HPSE2: variants seen among roughly 807,000 people sequenced by gnomAD.
HPSE2 encodes the protein heparanase 2 (inactive), also known as inactive heparanase-2.
HPSE2 carries 38 observed loss-of-function variants against 60.5 expected under a neutral mutation model. That is an observed-to-expected ratio of 0.63 (90% CI 0.48 to 0.82). The LOEUF (loss-of-function observed/expected upper bound fraction) is 0.82. Among genes scored for constraint, HPSE2 ranks in the 40% least tolerant of loss-of-function variants. The pLI, the probability that HPSE2 is intolerant of heterozygous loss-of-function variation, is 0.00. For missense variants in HPSE2, 713 were observed against 740.4 expected (o/e 0.96, Z 0.43); for synonymous variants, 295 against 293.2 (o/e 1.01, Z -0.06).
At chr10:98,609,880 C>T (rs1253188014) in intron 9 of HPSE2, among the ~76,000 whole-genome samples, 11 of 137,044 alleles carry the variant, frequency 8.0e-5, no homozygotes, top group African/African-American at 2.5e-4. Context: ...CTCACTCTGT[C>T]GCCCAGGCTG....
intron 6 of HPSE2, among the ~76,000 whole-genome samples, chr10:98,688,644 T>C (rs2134157089): frequency 6.6e-6 from 1 of 151,612 alleles, no homozygotes; most frequent in South Asian, 2.1e-4. Flanking sequence ...CCGGCTGATA[T>C]TTGGATTTTT....
chr10:98,543,690 T>C (rs1943555036), intron 9 of HPSE2, among the ~76,000 whole-genome samples: 1 of 151,896 alleles, frequency 6.6e-6, no homozygotes, highest in Non-Finnish European at 1.5e-5. Flanking sequence ...TAGTCTCTGA[T>C]AAAACAGACT....
intron 3 of HPSE2, among the ~76,000 whole-genome samples, chr10:99,124,843 C>T (rs1303301687): frequency 1.3e-5 from 2 of 152,230 alleles, no homozygotes; most frequent in Non-Finnish European, 2.9e-5. Flanking sequence ...ACTGTGCCAA[C>T]TCAAAATGGA....
intron 3 of HPSE2, among the ~76,000 whole-genome samples, chr10:98,959,358 GAAAAAAA>G (rs540992148): frequency 1.3e-5 from 1 of 77,452 alleles, no homozygotes; most frequent in African/African-American, 3.9e-5. Context: ...ACTATCTCTG[GAAAAAAA>G]AAAAAAAAAA....
intron 6 of HPSE2, among the ~76,000 whole-genome samples, chr10:98,677,585 C>A (rs191420350): frequency 6.6e-6 from 1 of 152,232 alleles, no homozygotes; most frequent in East Asian, 1.9e-4. Flanking sequence ...GACATTAACC[C>A]CACTTAACAG....
intron 3 of HPSE2, among the ~76,000 whole-genome samples, chr10:98,861,330 T>A (rs1952454151): frequency 6.6e-6 from 1 of 152,188 alleles, no homozygotes; most frequent in Admixed American, 6.5e-5. Context: ...GTCTTTCTTA[T>A]TTGCTGATAT....
intron 9 of HPSE2, among the ~76,000 whole-genome samples, chr10:98,550,765 C>T (rs540081781): frequency 4.6e-5 from 7 of 151,848 alleles, no homozygotes; most frequent in African/African-American, 7.3e-5. Context: ...TGAGCCACCG[C>T]GCCTGGCCTC....
rs1023715187 is a variant in HPSE2 at position 98,721,807 on chromosome 10, A to G, written c.806T>C (p.Met269Thr). 2.5e-6 allele frequency: 4 copies of G among 1,613,680 alleles called. No individual in the cohort carries two copies. The Admixed American group carries it at 5.0e-5, about 20-fold the overall frequency. Residue 269 changes from methionine (M) to threonine (T), a missense_variant, in exon 5 of 12, where the codon ATG becomes ACG. Coordinates refer to ENST00000370552, the MANE Select transcript of HPSE2 (RefSeq NM_021828.5). ...LGNEPNNYRT[M>T]HGRAVNGSQL... ...GCTGCCATTTACTGCCCGGCCATGCATGGTCCGATAGTTATTTGGCTCTAG... is the reference window on the plus strand; with the variant it reads ...GCTGCCATTTACTGCCCGGCCATGCGTGGTCCGATAGTTATTTGGCTCTAG...
intron 9 of HPSE2, among the ~76,000 whole-genome samples, chr10:98,545,751 G>T (rs1401484491): frequency 1.3e-5 from 2 of 151,672 alleles, no homozygotes; most frequent in African/African-American, 4.8e-5. Context: ...ACAAGACAGG[G>T]ATGCCCTCTC....
rs561464710 is a variant in HPSE2 at position 99,203,017 on chromosome 10, C to T, written c.448+29331G>A. Among the ~76,000 whole-genome samples the T allele has an allele frequency of 4.6e-5, 7 of 152,254 alleles. No homozygotes were observed. In the South Asian group the frequency reaches 1.2e-3, roughly 27 times the overall value. Reference sequence around the variant, plus strand: ...AGTAAAGTCCAGTGCTGGACAGGCCCCCATGGCCCCAGAACGAGCCTCCAA... The same window carrying T: ...AGTAAAGTCCAGTGCTGGACAGGCCTCCATGGCCCCAGAACGAGCCTCCAA... On this transcript the variant is annotated intron_variant, in intron 2 of 11. Transcript: ENST00000370552.
At chr10:98,649,406 A>G (rs114481108) in intron 6 of HPSE2, among the ~76,000 whole-genome samples, 2,238 of 152,312 alleles carry the variant, frequency 0.015, 54 homozygotes, top group African/African-American at 0.05. Context: ...ACACGGTATT[A>G]GTAAGTAGGA....
chr10:98,920,219 T>G (rs185788803), intron 3 of HPSE2, among the ~76,000 whole-genome samples: 10 of 152,306 alleles, frequency 6.6e-5, no homozygotes, highest in Admixed American at 6.5e-5. Flanking sequence ...GCTTAAAGAC[T>G]TCTGTTCCCA....
chr10:99,073,471 G>T (rs1168060501), intron 3 of HPSE2, among the ~76,000 whole-genome samples: 1 of 151,854 alleles, frequency 6.6e-6, no homozygotes, highest in Non-Finnish European at 1.5e-5. Context: ...ACTGGGGCCT[G>T]TTGGGGGTGG....
intron 3 of HPSE2, among the ~76,000 whole-genome samples, chr10:99,002,563 C>A (rs555137606): frequency 6.6e-6 from 1 of 152,114 alleles, no homozygotes; most frequent in South Asian, 2.1e-4. Context: ...AAATACCTGA[C>A]CAATATTCCT....
Position 99,050,917 on chromosome 10 carries a change from T to C in HPSE2, c.610+93321A>G, listed in dbSNP as rs1187727716. ...CACAGCAGAAATAAATAACAAATATTTGAGGTTTGGATATGTTAATTAGCT... is the reference window on the plus strand; with the variant it reads ...CACAGCAGAAATAAATAACAAATATCTGAGGTTTGGATATGTTAATTAGCT... On this transcript the variant is annotated intron_variant, in intron 3 of 11. Transcript: ENST00000370552. 5.9e-5 allele frequency among the ~76,000 whole-genome samples: 9 copies of C among 152,006 alleles called. 1 individual carries two copies. Among genetic ancestry groups the C allele is most frequent in the Non-Finnish European group, 1.0e-4 (7 of 67,992 alleles).
At chr10:99,099,468 C>A (rs1019780692) in intron 3 of HPSE2, among the ~76,000 whole-genome samples, 3 of 152,186 alleles carry the variant, frequency 2.0e-5, no homozygotes, top group Non-Finnish European at 4.4e-5. Flanking sequence ...ATTGCTGAGG[C>A]TTGGGTAGGT....
chr10:98,512,812 A>AAC (rs71007394), intron 9 of HPSE2, among the ~76,000 whole-genome samples: 4,934 of 124,574 alleles, frequency 0.04, 125 homozygotes, highest in South Asian at 0.065. Flanking sequence ...CCCACCCCCC[A>AAC]ACACACACAC....
At chr10:98,982,551 G>A (rs979712646) in intron 3 of HPSE2, among the ~76,000 whole-genome samples, 2 of 152,118 alleles carry the variant, frequency 1.3e-5, no homozygotes, top group East Asian at 3.9e-4. Context: ...TCAGGAAAAG[G>A]GAGCTTTTAA....
chr10:99,304,997 G>A, the HPSE2 span, among the ~76,000 whole-genome samples: 1 of 152,336 alleles, frequency 6.6e-6, no homozygotes, highest in South Asian at 2.1e-4. Context: ...ACTGGTTAGG[G>A]AAAAGAGCCT....
Sources: allele counts gnomAD v4.1 joint callset (sites outside exome capture counted in the v4.1 genomes callset), GRCh38; gene constraint gnomAD v4.1.1; transcripts MANE v1.5; gene names NCBI Gene and HGNC (gene_info 2026-07-23, HGNC 2026-07-21).